The following TECPR2 variants were observed in gnomAD, a reference collection of about 807,000 sequenced individuals.
The protein encoded by TECPR2 is tectonin beta-propeller repeat containing 2, also known as tectonin beta-propeller repeat-containing protein 2.
A neutral mutation model predicts 138.1 loss-of-function variants in TECPR2; 65 were observed. The ratio of observed to expected loss-of-function variants is 0.47; its 90% CI spans 0.39 to 0.58. TECPR2 has a LOEUF of 0.58. TECPR2 is among the 20% of genes least tolerant of loss of function. The pLI is 0.00. For synonymous variants in TECPR2, 746 were observed against 749.8 expected, an observed-to-expected ratio of 0.99 and a Z score of 0.08; for missense variants, 1,553 against 1,824.5, an observed-to-expected ratio of 0.85 and a Z score of 2.71.
chr14:102,383,303 G>T (rs902676573), intron 2 of TECPR2, among the ~76,000 whole-genome samples: 9 of 152,130 alleles, frequency 5.9e-5, no homozygotes, highest in Non-Finnish European at 1.2e-4. Flanking sequence ...AGGTTTATAT[G>T]CGTTAGCGGA....
At chr14:102,400,033 ATTTTC>A (rs201008286) in intron 2 of TECPR2, among the ~76,000 whole-genome samples, 43,371 of 145,206 alleles carry the variant, frequency 0.3, 6,591 homozygotes, top group Middle Eastern at 0.36. Flanking sequence ...GTGAATCCAC[ATTTTC>A]TTTTCTTTTC....
intron 17 of TECPR2, among the ~76,000 whole-genome samples, chr14:102,480,841 GTT>G (rs71119706): frequency 6.6e-5 from 5 of 75,204 alleles, no homozygotes; most frequent in African/African-American, 1.1e-4. Flanking sequence ...TTGGTTTTGG[GTT>G]TTTTTTTTTT....
intron 16 of TECPR2, among the ~76,000 whole-genome samples, chr14:102,456,181 C>T (rs1422443769): frequency 2.6e-5 from 4 of 152,226 alleles, no homozygotes; most frequent in Non-Finnish European, 4.4e-5. Flanking sequence ...TGTGACACGT[C>T]TTGCTTGGGG....
intron 5 of TECPR2, among the ~76,000 whole-genome samples, chr14:102,418,052 T>C (rs1490238011): frequency 6.6e-6 from 1 of 152,122 alleles, no homozygotes; most frequent in Non-Finnish European, 1.5e-5. Context: ...TCAGGACCTC[T>C]GCTGTGGACA....
intron 1 of TECPR2, among the ~76,000 whole-genome samples, chr14:102,368,969 T>C (rs1567311287): frequency 6.6e-6 from 1 of 152,180 alleles, no homozygotes; most frequent in Non-Finnish European, 1.5e-5. Context: ...TGATTCAAAA[T>C]GTGATTATGC....
chr14:102,477,505 T>C (rs1303413080), intron 17 of TECPR2, among the ~76,000 whole-genome samples: 1 of 151,326 alleles, frequency 6.6e-6, no homozygotes, highest in Admixed American at 6.6e-5. Flanking sequence ...TTATGTACTT[T>C]AAATGTGTGC....
Position 102,376,821 on chromosome 14 carries a change from A to G in TECPR2, c.100A>G (p.Ile34Val), listed in dbSNP as rs568514843. Residue 34 changes from isoleucine to valine, a missense_variant, in exon 2 of 20, where the codon ATC (isoleucine) becomes GTC (valine). Physicochemically the swap from Ile to Val is conservative, Grantham distance 29. Transcript: ENST00000359520. ...PTKIQKGFRS[I>V]VVYLTALDTN... Reference sequence around the variant, plus strand: ...AAAGATCCAGAAGGGTTTCCGCTCTATCGTGGTCTATCTCACGGCCCTCGA... The same window carrying G: ...AAAGATCCAGAAGGGTTTCCGCTCTGTCGTGGTCTATCTCACGGCCCTCGA... The G allele has an allele frequency of 2.3e-5, 37 of 1,614,078 alleles. No homozygotes were observed. Among genetic ancestry groups the G allele is most frequent in the Non-Finnish European group, 3.1e-5 (36 of 1,180,042 alleles).
intron 5 of TECPR2, among the ~76,000 whole-genome samples, chr14:102,424,460 G>A (rs1288536365): frequency 6.6e-6 from 1 of 152,034 alleles, no homozygotes; most frequent in Non-Finnish European, 1.5e-5. Flanking sequence ...TCAGCCTCCC[G>A]AGTAGCTGGG....
chr14:102,413,821 C>T (rs1315535960), intron 4 of TECPR2, among the ~76,000 whole-genome samples: 2 of 151,402 alleles, frequency 1.3e-5, no homozygotes, highest in Non-Finnish European at 2.9e-5. Flanking sequence ...TTTTTAAAGA[C>T]AGAGTCTCAC....
Position 102,499,009 on chromosome 14 carries a change from C to T in TECPR2, c.*752C>T, listed in dbSNP as rs74513122. The T allele has an allele frequency of 0.019, 13,328 of 698,618 alleles. 152 individuals are homozygous for T. Among genetic ancestry groups the T allele is most frequent in the African/African-American group, 0.028 (1,601 of 57,156 alleles). 43.3% of individuals were successfully genotyped at this position (698,618 alleles called of 1,614,324 possible). A position where few individuals can be genotyped will look rare whatever the true frequency, so the allele number is the denominator to read the frequency against. On this transcript the variant is annotated 3_prime_UTR_variant, in exon 20 of 20. Transcript: ENST00000359520. Reference sequence around the variant, plus strand: ...CACACCGCACTGCACCGCACCGCACCGCACCGTACCTCGCCACATCTCACC... The same window carrying T: ...CACACCGCACTGCACCGCACCGCACTGCACCGTACCTCGCCACATCTCACC...
At chr14:102,376,459 C>G (rs1887640776) in intron 1 of TECPR2, among the ~76,000 whole-genome samples, 191 bp from the exon 2 acceptor site, 1 of 152,178 alleles carries the variant, frequency 6.6e-6, no homozygotes, top group African/African-American at 2.4e-5. Context: ...TCATAGAGGT[C>G]AGAACATACT....
intron 2 of TECPR2, among the ~76,000 whole-genome samples, chr14:102,377,888 T>C (rs974890833): frequency 6.6e-6 from 1 of 152,224 alleles, no homozygotes; most frequent in Non-Finnish European, 1.5e-5. Context: ...TATATGAATA[T>C]TGGCTCATTG....
chr14:102,488,404 A>G (rs1891085140), intron 17 of TECPR2, among the ~76,000 whole-genome samples: 1 of 149,964 alleles, frequency 6.7e-6, no homozygotes, highest in Non-Finnish European at 1.5e-5. Context: ...CAATGGCGCA[A>G]TCTTGACTCA....
At position 102,486,710 on chromosome 14, in the gene TECPR2, G is replaced by T. The variant is rs929742388; in HGVS notation, c.3790-10269G>T. ...CACCTCGTACCACGGTCAGAGTCTC[G>T]AGGAGCCTCAGAGATCATGGTCCCC... On this transcript the variant is annotated intron_variant, in intron 17 of 19. Coordinates refer to ENST00000359520, the MANE Select transcript of TECPR2 (RefSeq NM_014844.5). Among the ~76,000 whole-genome samples the T allele has an allele frequency of 5.3e-5, 8 of 152,282 alleles. No homozygotes were observed. In the East Asian group the frequency reaches 1.5e-3, roughly 29 times the overall value.
intron 6 of TECPR2, among the ~76,000 whole-genome samples, chr14:102,427,292 C>G (rs1279538405): frequency 6.6e-6 from 1 of 152,182 alleles, no homozygotes; most frequent in Non-Finnish European, 1.5e-5. Context: ...TGCATTGGTT[C>G]TTTCATCTGA....
intron 2 of TECPR2, among the ~76,000 whole-genome samples, chr14:102,385,723 C>T (rs1887979292): frequency 1.3e-5 from 2 of 151,762 alleles, no homozygotes; most frequent in African/African-American, 4.8e-5. Context: ...AGCTTGAGCT[C>T]AGGAGTTCGA....
intron 9 of TECPR2, chr14:102,437,226 G>T (rs1889691895): frequency 3.1e-6 from 3 of 968,144 alleles, no homozygotes; most frequent in Admixed American, 6.2e-5. Flanking sequence ...AAAGTACAAA[G>T]ACTTTATTTA....
intron 17 of TECPR2, among the ~76,000 whole-genome samples, chr14:102,492,589 C>T (rs1431905855): frequency 6.6e-6 from 1 of 152,226 alleles, no homozygotes; most frequent in African/African-American, 2.4e-5. Context: ...TGGTCAGGGT[C>T]CATCCTCCAC....
intron 5 of TECPR2, among the ~76,000 whole-genome samples, chr14:102,422,386 G>A (rs1889207922): frequency 6.6e-6 from 1 of 152,216 alleles, no homozygotes; most frequent in African/African-American, 2.4e-5. Context: ...GAAGGAGATG[G>A]TGTTATCTGA....
Sources: allele counts gnomAD v4.1 joint callset (sites outside exome capture counted in the v4.1 genomes callset), GRCh38; gene constraint gnomAD v4.1.1; transcripts MANE v1.5; gene names NCBI Gene and HGNC (gene_info 2026-07-23, HGNC 2026-07-21).